Variants in SYTL2 observed in about 807,000 individuals in gnomAD.
The protein encoded by SYTL2 is synaptotagmin like 2.
SYTL2 carries 165 observed loss-of-function variants against 198.7 expected under a neutral mutation model. The observed-to-expected ratio is 0.83, with a 90% CI of 0.73 to 0.94. SYTL2 has a LOEUF of 0.94. SYTL2 is among the 40% of genes least tolerant of loss of function. SYTL2 has a pLI of 0.00. For missense variants in SYTL2, 2,835 were observed against 2,582.8 expected, an observed-to-expected ratio of 1.10 and a Z score of -2.12; for synonymous variants, 966 against 917.7, an observed-to-expected ratio of 1.05 and a Z score of -0.95.
At position 85,745,750 on chromosome 11, in the gene SYTL2, T is replaced by G; in HGVS notation, c.276A>C (p.Glu92Asp). ...QIAAEQSKDR[E>D]NGAKESWVNN... ...TCACCCAGCTTTCCTTTGCCCCATT[T>G]TCTCTGTCTTTACTCTGCTCAGCTG... is the stretch of plus-strand genomic sequence containing the variant. Residue 92 changes from glutamate (E) to aspartate (D), a missense_variant, in exon 4 of 20, where the codon GAA (glutamate) becomes GAC (aspartate). Glu to Asp is a conservative substitution (Grantham distance 45, BLOSUM62 2). This residue lies in a region of SYTL2 where 2,645 missense variants were observed against 2,381.7 expected (regional missense o/e 1.11). Transcript: ENST00000359152. 1 of 1,613,398 alleles carries G rather than the reference T, an allele frequency of 6.2e-7. No individual in the cohort carries two copies.
intron 1 of SYTL2, among the ~76,000 whole-genome samples, chr11:85,765,134 T>C (rs2092206012): frequency 6.6e-6 from 1 of 152,174 alleles, no homozygotes; most frequent in Non-Finnish European, 1.5e-5. Context: ...GGTAGCCTCT[T>C]AAAAAATAAT....
chr11:85,736,557 G>C lies in SYTL2; in HGVS notation c.530C>G (p.Thr177Ser). ...KLPEGHSSQQ[T>S]KNEQSKNGRT... ...TCCATTTTTTGACTGTTCATTTTTA[G>C]TTTGTTGTGATGAGTGACCTTCTGG... is the stretch of plus-strand genomic sequence containing the variant. Residue 177 changes from threonine to serine, a missense_variant, in exon 6 of 20, where the codon ACT becomes AGT. By Grantham distance (58) the Thr-to-Ser change is moderately conservative. This residue lies in a region of SYTL2 where 2,645 missense variants were observed against 2,381.7 expected (regional missense o/e 1.11). Coordinates refer to ENST00000359152, the MANE Select transcript of SYTL2 (RefSeq NM_206927.4). The C allele has an allele frequency of 1.2e-6, 2 of 1,608,242 alleles. No homozygotes were observed. Among genetic ancestry groups the C allele is most frequent in the Non-Finnish European group, 1.7e-6 (2 of 1,175,978 alleles).
At chr11:85,787,366 T>C (rs2092651814) in intron 1 of SYTL2, among the ~76,000 whole-genome samples, 1 of 152,244 alleles carries the variant, frequency 6.6e-6, no homozygotes, top group Non-Finnish European at 1.5e-5. Flanking sequence ...GAACTAGTGC[T>C]CACCTCATAG....
the SYTL2 span, among the ~76,000 whole-genome samples, chr11:85,852,330 G>A: frequency 6.6e-6 from 1 of 152,118 alleles, no homozygotes; most frequent in African/African-American, 2.4e-5. Flanking sequence ...ACGCTCCTAG[G>A]ATGTAAAAGA....
At chr11:85,827,815 G>A in the SYTL2 span, among the ~76,000 whole-genome samples, 2 of 152,184 alleles carry the variant, frequency 1.3e-5, no homozygotes, top group African/African-American at 4.8e-5. Context: ...CACTCAGAGA[G>A]TTTTGACTGG....
At chr11:85,809,197 G>A (rs2092999289) in intron 1 of SYTL2, among the ~76,000 whole-genome samples, 1 of 152,172 alleles carries the variant, frequency 6.6e-6, no homozygotes, top group Admixed American at 6.6e-5. Flanking sequence ...AGGGGACAGT[G>A]GAATCATTCA....
chr11:85,853,272 G>C, the SYTL2 span: 2 of 436,264 alleles, frequency 4.6e-6, no homozygotes, highest in East Asian at 7.9e-5. Flanking sequence ...CGTGTCTTGA[G>C]TAGAAAAAAG....
intron 1 of SYTL2, among the ~76,000 whole-genome samples, chr11:85,787,516 G>A (rs948435976): frequency 1.3e-5 from 2 of 152,040 alleles, no homozygotes; most frequent in African/African-American, 2.4e-5. Context: ...CAAAGTAAAT[G>A]TAGATAGAGG....
chr11:85,755,400 T>C (rs2091801970), intron 2 of SYTL2, among the ~76,000 whole-genome samples: 1 of 152,204 alleles, frequency 6.6e-6, no homozygotes, highest in Non-Finnish European at 1.5e-5. Flanking sequence ...AGGTAGGGCT[T>C]GACTCACACC....
At chr11:85,825,231 A>T in the SYTL2 span, among the ~76,000 whole-genome samples, 1 of 152,012 alleles carries the variant, frequency 6.6e-6, no homozygotes, top group African/African-American at 2.4e-5. Flanking sequence ...TACTAAAAAT[A>T]CAAAAAATTA....
chr11:85,803,865 C>T lies in SYTL2; in HGVS notation c.-390+7089G>A, dbSNP rs532810545. ...TCACCTACTTTAGAGAGTAGTCCTG[C>T]CAATTAGAGGAACAAGGACATAGCA... On this transcript the variant is annotated intron_variant, in intron 1 of 19. Coordinates refer to ENST00000359152, the MANE Select transcript of SYTL2 (RefSeq NM_206927.4). 5.3e-5 allele frequency among the ~76,000 whole-genome samples: 8 copies of T among 152,144 alleles called. No individual in the cohort carries two copies. The East Asian group carries it at 1.5e-3, about 29-fold the overall frequency.
Position 85,725,898 on chromosome 11 carries a change from T to C in SYTL2, c.3460A>G (p.Lys1154Glu). The C allele has an allele frequency of 6.2e-7, 1 of 1,613,882 alleles. No homozygotes were observed. The highest frequency in any genetic ancestry group is 1.3e-5 in the African/African-American group (1 of 75,038). Residue 1154 changes from lysine to glutamate, a missense_variant, in exon 8 of 20, where the codon AAA (lysine) becomes GAA (glutamate). By Grantham distance (56) the Lys-to-Glu change is moderately conservative. Transcript: ENST00000359152. ...STPAIQPSGG[K>E]VHGKQVLEPS... ...TCAAGCACTTGTTTTCCATGAACTT[T>C]TCCACCAGAGGGTTGAATTGCTGGT... is the stretch of plus-strand genomic sequence containing the variant.
At chr11:85,849,029 A>G in the SYTL2 span, among the ~76,000 whole-genome samples, 9 of 152,352 alleles carry the variant, frequency 5.9e-5, 1 homozygote, top group East Asian at 1.3e-3. Flanking sequence ...TGACCCTTAT[A>G]AACAGTGAGA....
the SYTL2 span, among the ~76,000 whole-genome samples, chr11:85,823,933 T>C: frequency 6.6e-6 from 1 of 152,238 alleles, no homozygotes; most frequent in Non-Finnish European, 1.5e-5. Flanking sequence ...GCCACCTTCA[T>C]GTTCAGAGTA....
At chr11:85,717,604 A>T (rs2087543609) in intron 10 of SYTL2, 74 bp from the exon 11 acceptor site, 1 of 1,280,522 alleles carries the variant, frequency 7.8e-7, no homozygotes, top group Admixed American at 1.7e-5. Context: ...AGTAAAGCTC[A>T]AATGTCAGTT....
the SYTL2 span, among the ~76,000 whole-genome samples, chr11:85,825,375 G>A: frequency 8.6e-6 from 1 of 116,768 alleles, no homozygotes; most frequent in Non-Finnish European, 1.7e-5. Flanking sequence ...GCGACAGAGC[G>A]AGACTCCGTC....
chr11:85,771,582 G>C (rs1463973446), intron 1 of SYTL2, among the ~76,000 whole-genome samples: 1 of 152,204 alleles, frequency 6.6e-6, no homozygotes, highest in East Asian at 1.9e-4. Context: ...GTATGCAACA[G>C]AATTCCCTCG....
chr11:85,833,757 G>C, the SYTL2 span, among the ~76,000 whole-genome samples: 1 of 138,222 alleles, frequency 7.2e-6, no homozygotes, highest in Admixed American at 7.6e-5. Context: ...TTGAGACAGA[G>C]TCTCACTCCG....
At chr11:85,717,924 A>C (rs2087622849) in intron 10 of SYTL2, among the ~76,000 whole-genome samples, 1 of 152,220 alleles carries the variant, frequency 6.6e-6, no homozygotes, top group Admixed American at 6.5e-5. Context: ...AAATGAAGAT[A>C]AAAATCCCTG....
Sources: gnomAD v4.1 joint callset for allele counts (sites outside exome capture counted in the v4.1 genomes callset) on GRCh38, gnomAD v4.1.1 for gene constraint, gnomAD v4.1.1 regional missense constraint, MANE v1.5 for transcripts, NCBI Gene and HGNC (gene_info 2026-07-23, HGNC 2026-07-21) for gene names.